LTBP1: variants seen among roughly 807,000 people sequenced by gnomAD.
LTBP1 encodes the protein latent-transforming growth factor beta-binding protein 1.
LTBP1 carries 129 observed loss-of-function variants against 207.6 expected under a neutral mutation model. The observed-to-expected ratio is 0.62, with a 90% CI of 0.54 to 0.72. The LOEUF (loss-of-function observed/expected upper bound fraction) is 0.72, where lower values mean the gene tolerates loss of function less well. LTBP1 is among the 30% of genes least tolerant of loss of function. The pLI is 0.00. For missense variants in LTBP1, 2,281 were observed against 2,217.2 expected, an observed-to-expected ratio of 1.03 and a Z score of -0.58; for synonymous variants, 963 against 833.7, an observed-to-expected ratio of 1.16 and a Z score of -2.67.
At chr2:33,174,292 A>G (rs1319674383) in intron 5 of LTBP1, among the ~76,000 whole-genome samples, 1 of 151,080 alleles carries the variant, frequency 6.6e-6, no homozygotes, top group Non-Finnish European at 1.5e-5. Flanking sequence ...TAAGCTGATA[A>G]GCAACTTCAG....
At chr2:33,314,170 C>G (rs2094229004) in intron 23 of LTBP1, among the ~76,000 whole-genome samples, 1 of 152,108 alleles carries the variant, frequency 6.6e-6, no homozygotes. Flanking sequence ...CTTTTTGACG[C>G]TTCATTGTGT....
At chr2:33,184,345 C>T (rs1038695867) in intron 5 of LTBP1, among the ~76,000 whole-genome samples, 4 of 152,162 alleles carry the variant, frequency 2.6e-5, no homozygotes, top group Non-Finnish European at 5.9e-5. Context: ...TAACACAAGC[C>T]TCCTTCTTCG....
At chr2:33,326,159 C>A (rs1573849933) in intron 24 of LTBP1, among the ~76,000 whole-genome samples, 1 of 151,558 alleles carries the variant, frequency 6.6e-6, no homozygotes, top group African/African-American at 2.4e-5. Context: ...TTAAAATGTC[C>A]CAGATACTCA....
intron 2 of LTBP1, among the ~76,000 whole-genome samples, chr2:33,008,759 AAAAC>A (rs1353220989): frequency 6.6e-6 from 1 of 152,240 alleles, no homozygotes; most frequent in Admixed American, 6.5e-5. Context: ...GCTTTAAAGA[AAAAC>A]AAGGCAGGGT....
intron 31 of LTBP1, among the ~76,000 whole-genome samples, chr2:33,369,141 T>C (rs2095036241): frequency 6.6e-6 from 1 of 152,086 alleles, no homozygotes. Flanking sequence ...ACATATTATA[T>C]AATATTTTTG....
At chr2:33,393,882 G>A (rs2095337582) in intron 32 of LTBP1, among the ~76,000 whole-genome samples, 1 of 152,072 alleles carries the variant, frequency 6.6e-6, no homozygotes, top group South Asian at 2.1e-4. Flanking sequence ...CTTCCACAAT[G>A]GTTGAACTAG....
intron 5 of LTBP1, among the ~76,000 whole-genome samples, chr2:33,158,137 CAAAAAAAAAACA>C (rs1228219347): frequency 4.3e-5 from 2 of 46,818 alleles, no homozygotes; most frequent in African/African-American, 1.3e-4. Context: ...ACTCTTGTCT[CAAAAAAAAAACA>C]AAAAAAAAAA....
At chr2:33,140,247 C>T (rs1447469781) in intron 5 of LTBP1, among the ~76,000 whole-genome samples, 4 of 152,154 alleles carry the variant, frequency 2.6e-5, no homozygotes, top group Non-Finnish European at 5.9e-5. Context: ...AATTTTCTCT[C>T]GTTAAGGCAT....
chr2:33,092,523 T>C (rs1009407982), intron 3 of LTBP1, among the ~76,000 whole-genome samples: 4 of 152,242 alleles, frequency 2.6e-5, no homozygotes, highest in African/African-American at 9.6e-5. Context: ...TTCTGGGTTA[T>C]TCCTCACTCC....
At chr2:33,017,097 A>G (rs866421497) in intron 2 of LTBP1, among the ~76,000 whole-genome samples, 3 of 152,368 alleles carry the variant, frequency 2.0e-5, no homozygotes, top group East Asian at 1.9e-4. Flanking sequence ...CTTAGTTATA[A>G]TAAGTTTTCA....
At chr2:33,157,443 A>G (rs2084060873) in intron 5 of LTBP1, among the ~76,000 whole-genome samples, 1 of 152,200 alleles carries the variant, frequency 6.6e-6, no homozygotes, top group Admixed American at 6.5e-5. Context: ...TGAGAAGTGA[A>G]TGGGAAGCCC....
chr2:33,187,715 C>T (rs541623488), intron 6 of LTBP1, among the ~76,000 whole-genome samples: 6 of 152,238 alleles, frequency 3.9e-5, no homozygotes, highest in African/African-American at 7.2e-5. Context: ...TTGAAAGCTA[C>T]GGAAAGTAGC....
intron 3 of LTBP1, among the ~76,000 whole-genome samples, chr2:33,049,907 T>C (rs1344234593): frequency 6.6e-6 from 1 of 151,900 alleles, no homozygotes; most frequent in African/African-American, 2.4e-5. Context: ...AGTGGTGTGA[T>C]CACAGCTCAC....
intron 3 of LTBP1, among the ~76,000 whole-genome samples, chr2:33,081,332 T>A (rs1161784738): frequency 1.3e-5 from 2 of 152,130 alleles, no homozygotes; most frequent in Non-Finnish European, 2.9e-5. Flanking sequence ...GGGTAGCCTG[T>A]CCTAAACTCC....
In LTBP1 at chr2:33,149,398, T is replaced by C. The variant is rs549322565; in HGVS notation, c.1201+14438T>C. Among the ~76,000 whole-genome samples, 44 of 152,284 alleles carry C rather than the reference T, an allele frequency of 2.9e-4. No individual in the cohort carries two copies. The South Asian group carries it at 9.1e-3, about 32-fold the overall frequency. ...AACATCTTAGACCCTGTTTCCTATTTTGTCCAGGTCCTTGGAAAACCCTCC... is the reference window on the plus strand; with the variant it reads ...AACATCTTAGACCCTGTTTCCTATTCTGTCCAGGTCCTTGGAAAACCCTCC... On this transcript the variant is annotated intron_variant, in intron 5 of 33. Coordinates refer to ENST00000404816, the MANE Select transcript of LTBP1 (RefSeq NM_206943.4).
rs1347161180 is a variant in LTBP1 at position 33,160,171 on chromosome 2, G to A, written c.1201+25211G>A. 2.6e-5 allele frequency among the ~76,000 whole-genome samples: 4 copies of A among 152,234 alleles called. No individual in the cohort carries two copies. The East Asian group carries it at 5.8e-4, about 22-fold the overall frequency. On this transcript the variant is annotated intron_variant, in intron 5 of 33. Coordinates refer to ENST00000404816, the MANE Select transcript of LTBP1 (RefSeq NM_206943.4). ...TAGGATAACAGGTATGAGCCACCGCGCCTGGCCTCAAATTTAAATAGAATA... is the reference window on the plus strand; with the variant it reads ...TAGGATAACAGGTATGAGCCACCGCACCTGGCCTCAAATTTAAATAGAATA...
chr2:33,076,989 G>A (rs1202019713), intron 3 of LTBP1, among the ~76,000 whole-genome samples: 1 of 152,200 alleles, frequency 6.6e-6, no homozygotes, highest in Non-Finnish European at 1.5e-5. Flanking sequence ...TAGGAAAGAT[G>A]AATTTTCGTC....
intron 5 of LTBP1, among the ~76,000 whole-genome samples, chr2:33,146,468 C>T (rs924890041): frequency 2.0e-5 from 3 of 152,206 alleles, no homozygotes; most frequent in African/African-American, 7.2e-5. Flanking sequence ...TCCAGCCTGT[C>T]TTGCTTTGCA....
intron 4 of LTBP1, among the ~76,000 whole-genome samples, chr2:33,115,340 C>G (rs1418237524): frequency 6.6e-6 from 1 of 151,916 alleles, no homozygotes; most frequent in African/African-American, 2.4e-5. Flanking sequence ...TTGCCAGGGA[C>G]AGGGGAGAGT....
Sources: allele counts gnomAD v4.1 joint callset (sites outside exome capture counted in the v4.1 genomes callset), GRCh38; gene constraint gnomAD v4.1.1; transcripts MANE v1.5; gene names NCBI Gene and HGNC (gene_info 2026-07-23, HGNC 2026-07-21).